Variants in HEMK2 observed in about 807,000 individuals in gnomAD.
The protein encoded by HEMK2 is methyltransferase HEMK2.
the HEMK2 span, among the ~76,000 whole-genome samples, chr21:28,848,946 C>A: frequency 2.0e-5 from 3 of 152,148 alleles, no homozygotes; most frequent in Non-Finnish European, 2.9e-5. Context: ...TATGAGTGCA[C>A]GCAGGAACTC....
the HEMK2 span, among the ~76,000 whole-genome samples, chr21:28,687,817 T>A: frequency 6.6e-6 from 1 of 152,202 alleles, no homozygotes; most frequent in Non-Finnish European, 1.5e-5. Context: ...GAGGCCTTCA[T>A]CACAGCATAG....
chr21:28,881,646 T>C, the HEMK2 span, among the ~76,000 whole-genome samples: 1 of 150,608 alleles, frequency 6.6e-6, no homozygotes, highest in African/African-American at 2.4e-5. Context: ...TTTTTTTTTT[T>C]TTTGAGACAG....
chr21:28,870,051 G>T, the HEMK2 span, among the ~76,000 whole-genome samples: 1 of 151,940 alleles, frequency 6.6e-6, no homozygotes, highest in Non-Finnish European at 1.5e-5. Context: ...TGAATTTTTT[G>T]TTTATCATTA....
the HEMK2 span, among the ~76,000 whole-genome samples, chr21:28,861,476 G>A: frequency 1.1e-4 from 17 of 152,262 alleles, no homozygotes; most frequent in East Asian, 2.3e-3. Context: ...AGAGAATCAC[G>A]GCCCCTCAAT....
chr21:28,657,785 G>C, the HEMK2 span, among the ~76,000 whole-genome samples: 1 of 151,958 alleles, frequency 6.6e-6, no homozygotes. Flanking sequence ...AAATAACTTA[G>C]CACAACAATG....
the HEMK2 span, among the ~76,000 whole-genome samples, chr21:28,767,307 T>C: frequency 2.0e-5 from 3 of 151,430 alleles, no homozygotes; most frequent in Non-Finnish European, 4.4e-5. Flanking sequence ...TTCAGCAGCA[T>C]GAAAACAGAC....
the HEMK2 span, among the ~76,000 whole-genome samples, chr21:28,668,976 T>C: frequency 1.3e-5 from 2 of 152,130 alleles, no homozygotes; most frequent in Non-Finnish European, 2.9e-5. Flanking sequence ...TTAGGACAAG[T>C]CACTATTCAG....
At chr21:28,868,314 C>A in the HEMK2 span, among the ~76,000 whole-genome samples, 4 of 152,144 alleles carry the variant, frequency 2.6e-5, no homozygotes, top group Non-Finnish European at 5.9e-5. Flanking sequence ...AGTATAGGAA[C>A]AATTGGTATC....
At chr21:28,682,744 C>T in the HEMK2 span, among the ~76,000 whole-genome samples, 1 of 152,050 alleles carries the variant, frequency 6.6e-6, no homozygotes, top group East Asian at 1.9e-4. Flanking sequence ...GAGTTCATGT[C>T]CTTTGTAGGG....
the HEMK2 span, among the ~76,000 whole-genome samples, chr21:28,826,731 C>T: frequency 1.3e-3 from 198 of 152,332 alleles, no homozygotes; most frequent in Non-Finnish European, 2.5e-3. Flanking sequence ...CTCCCAGCAA[C>T]TAACTCCTGC....
At chr21:28,701,438 G>T in the HEMK2 span, among the ~76,000 whole-genome samples, 4 of 151,910 alleles carry the variant, frequency 2.6e-5, no homozygotes, top group African/African-American at 9.7e-5. Flanking sequence ...AACAACTTCA[G>T]CAAAGTTTCA....
the HEMK2 span, among the ~76,000 whole-genome samples, chr21:28,733,644 C>T: frequency 6.6e-6 from 1 of 152,130 alleles, no homozygotes; most frequent in Non-Finnish European, 1.5e-5. Context: ...ACCCACTCCC[C>T]CCAACCCCAT....
At chr21:28,804,152 T>C in the HEMK2 span, among the ~76,000 whole-genome samples, 2 of 152,340 alleles carry the variant, frequency 1.3e-5, no homozygotes, top group Non-Finnish European at 2.9e-5. Flanking sequence ...ATTAGCTTTA[T>C]CTCCAAAAGA....
At chr21:28,885,287 C>T in the HEMK2 span, 1 of 1,592,984 alleles carries the variant, frequency 6.3e-7, no homozygotes, top group Non-Finnish European at 8.6e-7. Flanking sequence ...GTACACGTCG[C>T]TGAAGGCGCC....
At chr21:28,586,046 A>T in the HEMK2 span, among the ~76,000 whole-genome samples, 10 of 152,020 alleles carry the variant, frequency 6.6e-5, no homozygotes, top group African/African-American at 2.2e-4. Flanking sequence ...AAATGCTAGG[A>T]GAAAGATAGA....
chr21:28,857,834 T>C, the HEMK2 span, among the ~76,000 whole-genome samples: 3 of 152,238 alleles, frequency 2.0e-5, no homozygotes, highest in African/African-American at 7.2e-5. Context: ...TAAATCTTTC[T>C]ACTGTTTAAC....
chr21:28,650,565 C>G, the HEMK2 span, among the ~76,000 whole-genome samples: 5 of 152,048 alleles, frequency 3.3e-5, no homozygotes, highest in African/African-American at 2.4e-5. Context: ...GAAAACTTTA[C>G]GGGTTTCCAA....
the HEMK2 span, among the ~76,000 whole-genome samples, chr21:28,686,220 T>TTTG: frequency 6.6e-6 from 1 of 152,014 alleles, no homozygotes; most frequent in Non-Finnish European, 1.5e-5. Flanking sequence ...TTTTTTTGTT[T>TTTG]TTGTTGTTGT....
At chr21:28,814,833 G>A in the HEMK2 span, among the ~76,000 whole-genome samples, 1 of 152,014 alleles carries the variant, frequency 6.6e-6, no homozygotes, top group East Asian at 1.9e-4. Context: ...GATTCCTCAG[G>A]GATCTAGAAC....
Sources: allele counts gnomAD v4.1 joint callset (sites outside exome capture counted in the v4.1 genomes callset), GRCh38; gene constraint gnomAD v4.1.1; transcripts MANE v1.5; gene names NCBI Gene and HGNC (gene_info 2026-07-23, HGNC 2026-07-21).